The following SOX6 variants were observed in gnomAD, a reference collection of about 807,000 sequenced individuals.
SOX6 encodes transcription factor SOX-6.
A neutral mutation model predicts 97.8 loss-of-function variants in SOX6; 11 were observed. The observed-to-expected ratio is 0.11, with a 90% confidence interval of 0.07 to 0.19. The LOEUF (loss-of-function observed/expected upper bound fraction) is 0.19, where lower values mean the gene tolerates loss of function less well. Ranked by LOEUF, SOX6 falls within the 10% of genes least tolerant of loss-of-function variation. The pLI is 1.00. For synonymous variants in SOX6, 360 were observed against 371.4 expected, an observed-to-expected ratio of 0.97 and a Z score of 0.35; for missense variants, 810 against 1,039.5, an observed-to-expected ratio of 0.78 and a Z score of 3.04.
chr11:16,533,151 G>A (rs1329709027), intron 4 of SOX6, among the ~76,000 whole-genome samples: 1 of 151,646 alleles, frequency 6.6e-6, no homozygotes. Flanking sequence ...ATAATACTTA[G>A]CATACTAATT....
intron 9 of SOX6, among the ~76,000 whole-genome samples, chr11:16,058,323 G>C (rs1048786070): frequency 6.6e-6 from 1 of 151,164 alleles, no homozygotes; most frequent in African/African-American, 2.4e-5. Flanking sequence ...TATAGATTTG[G>C]GTTTGTTTTT....
chr11:16,673,318 C>G (rs569237436), intron 3 of SOX6, among the ~76,000 whole-genome samples: 1 of 151,876 alleles, frequency 6.6e-6, no homozygotes, highest in Admixed American at 6.6e-5. Flanking sequence ...TGAAACAAAA[C>G]GTTGTCTTTT....
At chr11:16,243,125 T>A (rs1283093760) in intron 3 of SOX6, among the ~76,000 whole-genome samples, 1 of 151,990 alleles carries the variant, frequency 6.6e-6, no homozygotes, top group Non-Finnish European at 1.5e-5. Flanking sequence ...ATTCATCACT[T>A]CAAACATAAA....
intron 4 of SOX6, among the ~76,000 whole-genome samples, chr11:16,497,494 A>C: frequency 6.6e-6 from 1 of 152,014 alleles, no homozygotes; most frequent in East Asian, 1.9e-4. Flanking sequence ...TGAGAGAAGA[A>C]GGCTTCAGAC....
intron 12 of SOX6, among the ~76,000 whole-genome samples, chr11:16,024,825 CT>C (rs752434720): frequency 6.6e-6 from 1 of 151,956 alleles, no homozygotes; most frequent in Non-Finnish European, 1.5e-5. Flanking sequence ...TTTTATGGAC[CT>C]TTCAAAAACA....
intron 4 of SOX6, among the ~76,000 whole-genome samples, chr11:16,188,000 C>A (rs1176603056): frequency 6.6e-6 from 1 of 152,096 alleles, no homozygotes; most frequent in East Asian, 1.9e-4. Flanking sequence ...AGACTTCCAA[C>A]CTCCTTATGA....
At chr11:16,470,528 A>G (rs1860123499) in intron 1 of SOX6, among the ~76,000 whole-genome samples, 1 of 152,190 alleles carries the variant, frequency 6.6e-6, no homozygotes, top group African/African-American at 2.4e-5. Context: ...GTAGGAAAAT[A>G]TCAGGGAGGA....
intron 4 of SOX6, among the ~76,000 whole-genome samples, chr11:16,560,433 ACG>A (rs1343895084): frequency 1.4e-4 from 19 of 131,650 alleles, no homozygotes; most frequent in African/African-American, 4.0e-4. Context: ...ATATGTTTAT[ACG>A]TACATATATG....
At chr11:16,177,239 C>T (rs1335098858) in intron 6 of SOX6, among the ~76,000 whole-genome samples, 1 of 151,896 alleles carries the variant, frequency 6.6e-6, no homozygotes, top group Non-Finnish European at 1.5e-5. Context: ...CCTATTCTCC[C>T]TCTATCCAGT....
chr11:16,259,139 A>G (rs2134210911), intron 3 of SOX6, among the ~76,000 whole-genome samples: 1 of 152,074 alleles, frequency 6.6e-6, no homozygotes, highest in Admixed American at 6.6e-5. Flanking sequence ...ATCATTGGAT[A>G]TGAGGCTAAT....
intron 4 of SOX6, among the ~76,000 whole-genome samples, chr11:16,553,000 T>A (rs995499556): frequency 1.3e-5 from 2 of 152,232 alleles, no homozygotes; most frequent in African/African-American, 4.8e-5. Flanking sequence ...GAAATCATTT[T>A]TGATATAAGT....
At chr11:16,010,262 T>TG (rs1282276779) in intron 13 of SOX6, among the ~76,000 whole-genome samples, 1 of 151,782 alleles carries the variant, frequency 6.6e-6, no homozygotes, top group East Asian at 1.9e-4. Flanking sequence ...TGAAGAAATG[T>TG]GAGAGCAATA....
chr11:16,583,074 T>C (rs1428916957), intron 4 of SOX6, among the ~76,000 whole-genome samples: 2 of 152,102 alleles, frequency 1.3e-5, no homozygotes, highest in East Asian at 3.8e-4. Flanking sequence ...GGGAATAATA[T>C]ATACTTCACA....
intron 1 of SOX6, among the ~76,000 whole-genome samples, chr11:16,407,405 G>T (rs1430790058): frequency 6.6e-6 from 1 of 152,132 alleles, no homozygotes; most frequent in Non-Finnish European, 1.5e-5. Flanking sequence ...TTATTAAGAA[G>T]CTAATTTTAA....
chr11:16,534,883 T>C (rs1162372457), intron 4 of SOX6, among the ~76,000 whole-genome samples: 1 of 152,200 alleles, frequency 6.6e-6, no homozygotes, highest in African/African-American at 2.4e-5. Flanking sequence ...TTCCTATCAT[T>C]GGAACATTCA....
intron 4 of SOX6, among the ~76,000 whole-genome samples, chr11:16,594,736 G>A (rs1848193065): frequency 8.7e-6 from 1 of 115,398 alleles, no homozygotes; most frequent in Admixed American, 1.3e-4. Flanking sequence ...TGTCACCCAG[G>A]CTGTAGTGCA....
intron 4 of SOX6, among the ~76,000 whole-genome samples, chr11:16,189,537 T>C (rs1851575831): frequency 6.6e-6 from 1 of 152,048 alleles, no homozygotes; most frequent in African/African-American, 2.4e-5. Context: ...AATAGAGCAT[T>C]AGATTAGGCT....
intron 1 of SOX6, among the ~76,000 whole-genome samples, chr11:16,418,163 A>T (rs1245343429): frequency 6.6e-6 from 1 of 152,218 alleles, no homozygotes; most frequent in East Asian, 1.9e-4. Flanking sequence ...AAACTACTGA[A>T]ATTGCATACA....
intron 9 of SOX6, among the ~76,000 whole-genome samples, chr11:16,094,134 TA>T (rs1848746739): frequency 6.6e-6 from 1 of 151,930 alleles, no homozygotes; most frequent in South Asian, 2.1e-4. Context: ...GCTCTTGCAT[TA>T]ATGGTTTACC....
Sources: allele counts gnomAD v4.1 joint callset (sites outside exome capture counted in the v4.1 genomes callset), GRCh38; gene constraint gnomAD v4.1.1; transcripts MANE v1.5; gene names NCBI Gene and HGNC (gene_info 2026-07-23, HGNC 2026-07-21).